Variants in NRXN3 observed in about 807,000 individuals in gnomAD.
NRXN3 encodes neurexin 3.
NRXN3 carries 32 observed loss-of-function variants against 137.6 expected under a neutral mutation model. The observed-to-expected ratio is 0.23, with a 90% CI of 0.18 to 0.31. NRXN3 has a LOEUF of 0.31. Among genes scored for constraint, NRXN3 ranks in the 10% least tolerant of loss-of-function variants. The probability of loss-of-function intolerance (pLI) is 1.00; values close to 1 mark genes in which losing one functional copy is unlikely to be tolerated. For synonymous variants in NRXN3, 798 were observed against 784.5 expected (o/e 1.02, Z -0.29); for missense variants, 1,574 against 2,062.5 (o/e 0.76, Z 4.59).
chr14:79,697,491 C>T (rs2098739833), intron 18 of NRXN3, 139 bp from the exon 19 acceptor site: 20 of 747,188 alleles, frequency 2.7e-5, no homozygotes, highest in Non-Finnish European at 2.8e-5. Context: ...AACGTCAGTA[C>T]TGAGGTTTTG....
intron 4 of NRXN3, among the ~76,000 whole-genome samples, chr14:78,302,935 T>C (rs913980825): frequency 1.3e-5 from 2 of 152,212 alleles, no homozygotes; most frequent in South Asian, 4.1e-4. Context: ...CCTCTCCTAA[T>C]TGGTCTTTCT....
At chr14:78,650,807 C>T (rs1042096470) in intron 5 of NRXN3, among the ~76,000 whole-genome samples, 2 of 152,124 alleles carry the variant, frequency 1.3e-5, no homozygotes, top group Non-Finnish European at 2.9e-5. Context: ...GAATAACAAT[C>T]ATGTAAGAAA....
intron 16 of NRXN3, among the ~76,000 whole-genome samples, chr14:79,614,554 C>T (rs766056945): frequency 6.6e-6 from 1 of 152,150 alleles, no homozygotes; most frequent in Non-Finnish European, 1.5e-5. Flanking sequence ...CTACTCCCTC[C>T]TTGCTTTTCC....
chr14:79,393,611 G>T (rs1461667429), intron 15 of NRXN3, among the ~76,000 whole-genome samples: 1 of 152,072 alleles, frequency 6.6e-6, no homozygotes, highest in African/African-American at 2.4e-5. Context: ...TCAGAAGATC[G>T]AGACCATCCT....
chr14:78,774,804 G>T (rs2098739755), intron 8 of NRXN3, among the ~76,000 whole-genome samples: 2 of 152,058 alleles, frequency 1.3e-5, no homozygotes, highest in African/African-American at 4.8e-5. Context: ...CACACCTGTA[G>T]TCCCACCTAC....
At chr14:79,112,860 G>A (rs887151949) in intron 15 of NRXN3, among the ~76,000 whole-genome samples, 4 of 152,184 alleles carry the variant, frequency 2.6e-5, no homozygotes, top group Non-Finnish European at 5.9e-5. Flanking sequence ...ACAGCCAAAT[G>A]AAGTGAGTAC....
chr14:79,526,040 C>A (rs1353184638), intron 16 of NRXN3, among the ~76,000 whole-genome samples: 1 of 152,048 alleles, frequency 6.6e-6, no homozygotes, highest in Non-Finnish European at 1.5e-5. Flanking sequence ...TGCCACCATA[C>A]CCACCTAATT....
At position 78,500,566 on chromosome 14, in the gene NRXN3, C is replaced by T. The variant is rs565167086; in HGVS notation, c.758-144554C>T. On this transcript the variant is annotated intron_variant, in intron 4 of 20. Coordinates refer to ENST00000335750, the MANE Select transcript of NRXN3 (RefSeq NM_001330195.2). ...GTAAATCTGAATATTTAGACTTCCA[C>T]GGATACCCCCTGCCAACCCCCGCCA... is the stretch of plus-strand genomic sequence containing the variant. Among the ~76,000 whole-genome samples the T allele has an allele frequency of 5.9e-5, 9 of 152,236 alleles. No homozygotes were observed. The South Asian group carries it at 6.2e-4, about 11-fold the overall frequency.
At chr14:79,717,527 TC>T (rs1483951028) in intron 19 of NRXN3, among the ~76,000 whole-genome samples, 3 of 152,190 alleles carry the variant, frequency 2.0e-5, no homozygotes, top group Non-Finnish European at 2.9e-5. Context: ...GCACTTTTTT[TC>T]CCCCTCTGAA....
chr14:79,373,627 T>C (rs1401090490), intron 15 of NRXN3, among the ~76,000 whole-genome samples: 2 of 152,230 alleles, frequency 1.3e-5, no homozygotes, highest in African/African-American at 4.8e-5. Context: ...AATTACAGGA[T>C]TGTTAAAGTT....
At chr14:79,706,877 C>A (rs1244048321) in intron 19 of NRXN3, among the ~76,000 whole-genome samples, 1 of 152,088 alleles carries the variant, frequency 6.6e-6, no homozygotes, top group Non-Finnish European at 1.5e-5. Flanking sequence ...AGTGTGGAGA[C>A]CAGAGCTTGG....
At chr14:79,753,283 C>T (rs1020022401) in intron 19 of NRXN3, among the ~76,000 whole-genome samples, 5 of 151,686 alleles carry the variant, frequency 3.3e-5, no homozygotes, top group East Asian at 3.9e-4. Context: ...ATGTTTATTG[C>T]GGCACTATTC....
intron 15 of NRXN3, among the ~76,000 whole-genome samples, chr14:79,435,576 G>A (rs1187801923): frequency 7.0e-6 from 1 of 142,182 alleles, no homozygotes; most frequent in Non-Finnish European, 1.5e-5. Context: ...GGTTGGCAAG[G>A]ATGTAGAACA....
intron 16 of NRXN3, among the ~76,000 whole-genome samples, chr14:79,612,639 G>C (rs77530421): frequency 1.8e-4 from 28 of 152,108 alleles, no homozygotes; most frequent in Non-Finnish European, 1.5e-5. Flanking sequence ...GCTTGGGGCC[G>C]GGAGTTTGAG....
chr14:79,103,514 C>T (rs1488990899), intron 15 of NRXN3, among the ~76,000 whole-genome samples: 1 of 152,052 alleles, frequency 6.6e-6, no homozygotes, highest in Non-Finnish European at 1.5e-5. Context: ...AGATGTCCAG[C>T]AGAACATTCT....
At chr14:79,590,927 C>T (rs1157047670) in intron 16 of NRXN3, among the ~76,000 whole-genome samples, 2 of 152,144 alleles carry the variant, frequency 1.3e-5, no homozygotes, top group African/African-American at 4.8e-5. Flanking sequence ...CCTACCATCC[C>T]CTCCATCTTT....
chr14:79,220,520 A>C (rs976211557), intron 15 of NRXN3, among the ~76,000 whole-genome samples: 1 of 152,068 alleles, frequency 6.6e-6, no homozygotes, highest in African/African-American at 2.4e-5. Flanking sequence ...CATTATCTTC[A>C]TGTGTCACCA....
chr14:79,656,486 G>GACTT (rs1392176965), intron 16 of NRXN3, among the ~76,000 whole-genome samples: 1 of 152,184 alleles, frequency 6.6e-6, no homozygotes, highest in Non-Finnish European at 1.5e-5. Flanking sequence ...TGTGACTGGT[G>GACTT]ACTTAGAGCC....
chr14:78,517,249 G>A (rs2096221953), intron 4 of NRXN3, among the ~76,000 whole-genome samples: 1 of 152,084 alleles, frequency 6.6e-6, no homozygotes, highest in African/African-American at 2.4e-5. Context: ...ATAATGAAAA[G>A]GATGATTGAG....
Sources: allele counts gnomAD v4.1 joint callset (sites outside exome capture counted in the v4.1 genomes callset), GRCh38; gene constraint gnomAD v4.1.1; transcripts MANE v1.5; gene names NCBI Gene and HGNC (gene_info 2026-07-23, HGNC 2026-07-21).